The following THRB variants were observed in gnomAD, a reference collection of about 807,000 sequenced individuals.
THRB encodes nuclear receptor subfamily 1 group A member 2.
THRB carries 12 observed loss-of-function variants against 47.8 expected under a neutral mutation model. The ratio of observed to expected loss-of-function variants is 0.25; its 90% CI spans 0.16 to 0.41. The LOEUF is 0.41. THRB is among the 10% of genes least tolerant of loss of function. THRB has a pLI of 1.00. For synonymous variants in THRB, 218 were observed against 212.2 expected, an observed-to-expected ratio of 1.03 and a Z score of -0.24; for missense variants, 348 against 589.2, an observed-to-expected ratio of 0.59 and a Z score of 4.24.
chr3:24,296,147 T>C (rs1355757822), intron 3 of THRB, among the ~76,000 whole-genome samples: 1 of 152,232 alleles, frequency 6.6e-6, no homozygotes, highest in African/African-American at 2.4e-5. Flanking sequence ...AGATATGCCT[T>C]TATTGCCATT....
chr3:24,422,092 TGTA>T (rs1017659836), intron 1 of THRB, among the ~76,000 whole-genome samples: 1 of 151,992 alleles, frequency 6.6e-6, no homozygotes, highest in Admixed American at 6.6e-5. Context: ...AATAATTTCA[TGTA>T]GTTTTCAAAA....
At chr3:24,210,028 G>T (rs2045858016) in intron 4 of THRB, among the ~76,000 whole-genome samples, 1 of 152,144 alleles carries the variant, frequency 6.6e-6, no homozygotes, top group African/African-American at 2.4e-5. Flanking sequence ...ACAAAACGGT[G>T]ATGTCAAAAT....
chr3:24,349,300 T>A (rs2063216665), intron 1 of THRB, among the ~76,000 whole-genome samples: 1 of 151,976 alleles, frequency 6.6e-6, no homozygotes, highest in African/African-American at 2.4e-5. Flanking sequence ...TATACAGTAA[T>A]CCCTATCAAA....
At chr3:24,462,779 G>T (rs1301855635) in intron 1 of THRB, among the ~76,000 whole-genome samples, 2 of 152,172 alleles carry the variant, frequency 1.3e-5, no homozygotes, top group African/African-American at 4.8e-5. Context: ...TTTCCTCGAG[G>T]TGCTTTTCAA....
At chr3:24,228,790 G>C (rs2047953259) in intron 4 of THRB, 148 bp downstream of exon 4, 4 of 721,592 alleles carry the variant, frequency 5.5e-6, no homozygotes, top group Non-Finnish European at 9.7e-6. Flanking sequence ...TACATTTCTA[G>C]GGAGGTATTC....
chr3:24,470,874 C>A (rs1028511089), intron 1 of THRB, among the ~76,000 whole-genome samples: 2 of 152,226 alleles, frequency 1.3e-5, no homozygotes, highest in Admixed American at 1.3e-4. Flanking sequence ...GCCTTGGCCT[C>A]CCAAAGTGCT....
intron 5 of THRB, among the ~76,000 whole-genome samples, chr3:24,181,245 A>C (rs1264776949): frequency 6.6e-6 from 1 of 152,234 alleles, no homozygotes; most frequent in Non-Finnish European, 1.5e-5. Context: ...CCACAAGGGA[A>C]AATATGATTA....
In THRB at chr3:24,123,068, A is replaced by T; in HGVS notation, c.1202T>A (p.Leu401Gln). ...RIEKYQDSFLLAFEHYINYRK... is the reference protein window; with the variant it reads ...RIEKYQDSFLQAFEHYINYRK... ...GTAATTGATATAGTGTTCAAAGGCC[A>T]GCAGGAAACTATCTTGGTACTTTTC... Residue 401 changes from leucine to glutamine, a missense_variant, in exon 11 of 11, where the codon CTG (leucine) becomes CAG (glutamine). Coordinates refer to ENST00000646209, the MANE Select transcript of THRB (RefSeq NM_001354712.2). 1 of 1,614,242 alleles carries T rather than the reference A, an allele frequency of 6.2e-7. No homozygotes were observed.
At chr3:24,430,542 C>T (rs1577502704) in intron 1 of THRB, among the ~76,000 whole-genome samples, 1 of 151,926 alleles carries the variant, frequency 6.6e-6, no homozygotes, top group East Asian at 1.9e-4. Context: ...TACCACTGAA[C>T]TCTATACCTA....
intron 9 of THRB, among the ~76,000 whole-genome samples, chr3:24,132,500 T>G (rs11919001): frequency 0.026 from 3,893 of 152,326 alleles, 150 homozygotes; most frequent in African/African-American, 0.089. Flanking sequence ...TCAACAGCTC[T>G]AAGAGGTAGA....
intron 1 of THRB, among the ~76,000 whole-genome samples, chr3:24,416,665 A>G (rs937193703): frequency 6.6e-6 from 1 of 151,868 alleles, no homozygotes; most frequent in Admixed American, 6.6e-5. Context: ...ACCTCGTTCT[A>G]TCCCTGAATG....
chr3:24,331,823 C>A (rs1177392948), intron 2 of THRB, among the ~76,000 whole-genome samples: 1 of 152,162 alleles, frequency 6.6e-6, no homozygotes, highest in Admixed American at 6.5e-5. Flanking sequence ...TACCATGTCA[C>A]TAATACCGAG....
chr3:24,233,563 G>GAAAGAAAGAGAAAGAAAC (rs2048489441), intron 3 of THRB, among the ~76,000 whole-genome samples: 1 of 77,352 alleles, frequency 1.3e-5, no homozygotes, highest in African/African-American at 4.0e-5. Flanking sequence ...GAAAAAGGAA[G>GAAAGAAAGAGAAAGAAAC]AAAGAAAGAA....
At chr3:24,233,134 G>A (rs887124811) in intron 3 of THRB, among the ~76,000 whole-genome samples, 17 of 152,150 alleles carry the variant, frequency 1.1e-4, no homozygotes, top group African/African-American at 4.1e-4. Flanking sequence ...AACACACAAA[G>A]TGTGTTTGTA....
intron 1 of THRB, among the ~76,000 whole-genome samples, chr3:24,374,103 T>C (rs1208223341): frequency 6.6e-6 from 1 of 152,120 alleles, no homozygotes; most frequent in Non-Finnish European, 1.5e-5. Flanking sequence ...TTTTCTTTCA[T>C]CAAAACAAAG....
intron 5 of THRB, among the ~76,000 whole-genome samples, chr3:24,180,245 T>C (rs2041721360): frequency 6.6e-6 from 1 of 152,224 alleles, no homozygotes; most frequent in Non-Finnish European, 1.5e-5. Flanking sequence ...ACTAAAATAG[T>C]ATGGCCTTTA....
intron 3 of THRB, among the ~76,000 whole-genome samples, chr3:24,263,618 CTTT>C (rs3034414): frequency 1.5e-5 from 2 of 136,920 alleles, no homozygotes; most frequent in Non-Finnish European, 1.6e-5. Context: ...GGTTACAGGC[CTTT>C]TTTTTTTTTT....
intron 1 of THRB, among the ~76,000 whole-genome samples, chr3:24,352,425 G>A (rs1228718492): frequency 6.6e-6 from 1 of 152,096 alleles, no homozygotes; most frequent in African/African-American, 2.4e-5. Flanking sequence ...AGAGGTGAAC[G>A]TGACTGGTCA....
intron 3 of THRB, among the ~76,000 whole-genome samples, chr3:24,265,687 T>C (rs1012964781): frequency 6.6e-6 from 1 of 152,194 alleles, no homozygotes; most frequent in Non-Finnish European, 1.5e-5. Flanking sequence ...TATAGAAGGA[T>C]GTTCATCCCA....
Sources: allele counts gnomAD v4.1 joint callset (sites outside exome capture counted in the v4.1 genomes callset), GRCh38; gene constraint gnomAD v4.1.1; transcripts MANE v1.5; gene names NCBI Gene and HGNC (gene_info 2026-07-23, HGNC 2026-07-21).